Variants in GPR39 observed in about 807,000 individuals in gnomAD.
The protein encoded by GPR39 is G protein-coupled receptor 39.
Under a neutral mutation model 18.4 loss-of-function variants are expected in GPR39, and 23 were observed. The ratio of observed to expected loss-of-function variants is 1.25; its 90% CI spans 0.90 to 1.77. GPR39 has a LOEUF of 1.77. Ranked by LOEUF, GPR39 falls within the 40% of genes most tolerant of loss-of-function variation. GPR39 has a pLI of 0.00. For missense variants in GPR39, 647 were observed against 602.4 expected, an observed-to-expected ratio of 1.07 and a Z score of -0.78; for synonymous variants, 280 against 257.9, an observed-to-expected ratio of 1.09 and a Z score of -0.82.
chr2:132,561,039 G>A (rs75918277), intron 1 of GPR39, among the ~76,000 whole-genome samples: 5,880 of 151,206 alleles, frequency 0.039, 393 homozygotes, highest in African/African-American at 0.13. Context: ...TCTGCTTCCC[G>A]AGTAGCTGGG....
intron 1 of GPR39, among the ~76,000 whole-genome samples, chr2:132,522,924 C>A (rs948036407): frequency 5.3e-5 from 8 of 152,238 alleles, no homozygotes; most frequent in Non-Finnish European, 1.0e-4. Flanking sequence ...CTGGAAGCTG[C>A]CACAACAGTG....
At position 132,584,759 on chromosome 2, in the gene GPR39, G is replaced by A. The variant is rs1227675059; in HGVS notation, c.857-60342G>A. On this transcript the variant is annotated intron_variant, in intron 1 of 1. Coordinates refer to ENST00000329321, the MANE Select transcript of GPR39 (RefSeq NM_001508.3). ...TCGGATGCAAATGAGGCTTTCAGAG[G>A]CAATTTGGTAGAAAATGGGATGTCT... 3.3e-5 allele frequency among the ~76,000 whole-genome samples: 5 copies of A among 152,236 alleles called. No homozygotes were observed. The East Asian group carries it at 9.6e-4, about 29-fold the overall frequency.
chr2:132,451,651 C>T (rs1680634828), intron 1 of GPR39, among the ~76,000 whole-genome samples: 1 of 152,134 alleles, frequency 6.6e-6, no homozygotes, highest in African/African-American at 2.4e-5. Context: ...ATCCTCTACT[C>T]TATTTCACTT....
chr2:132,459,634 C>A (rs1680796174), intron 1 of GPR39, among the ~76,000 whole-genome samples: 1 of 152,190 alleles, frequency 6.6e-6, no homozygotes, highest in African/African-American at 2.4e-5. Flanking sequence ...CATGTCACTC[C>A]ATGTTGTAGG....
chr2:132,521,711 T>A (rs1679430015), intron 1 of GPR39, among the ~76,000 whole-genome samples: 1 of 152,158 alleles, frequency 6.6e-6, no homozygotes, highest in Non-Finnish European at 1.5e-5. Flanking sequence ...TTCCCCCCCT[T>A]ATTAAACAAA....
At chr2:132,550,717 T>G (rs184679395) in intron 1 of GPR39, among the ~76,000 whole-genome samples, 1 of 152,210 alleles carries the variant, frequency 6.6e-6, no homozygotes, top group African/African-American at 2.4e-5. Flanking sequence ...AGTGATAAAA[T>G]GAGGTCCAGC....
rs370125543 is a variant in GPR39 at position 132,474,967 on chromosome 2, A to G, written c.856+57069A>G. Reference sequence around the variant, plus strand: ...TGTGATGGGGTCTCAGGTTTTACAGAGTAAATCCACTCTAACAGTTCCATC... The same window carrying G: ...TGTGATGGGGTCTCAGGTTTTACAGGGTAAATCCACTCTAACAGTTCCATC... On this transcript the variant is annotated intron_variant, in intron 1 of 1. Transcript: ENST00000329321. Among the ~76,000 whole-genome samples the G allele has an allele frequency of 2.0e-5, 3 of 152,258 alleles. No homozygotes were observed. In the East Asian group the frequency reaches 5.8e-4, roughly 29 times the overall value.
chr2:132,498,428 G>A (rs1422019808), intron 1 of GPR39, among the ~76,000 whole-genome samples: 2 of 152,136 alleles, frequency 1.3e-5, no homozygotes, highest in South Asian at 2.1e-4. Flanking sequence ...TTTTATGGAC[G>A]AGTAGTATTC....
chr2:132,570,910 A>T (rs983073393), intron 1 of GPR39, among the ~76,000 whole-genome samples: 12 of 152,170 alleles, frequency 7.9e-5, no homozygotes, highest in Non-Finnish European at 1.6e-4. Flanking sequence ...AATAGCCTTG[A>T]AAGGGTGGGG....
At chr2:132,492,595 TACC>T (rs1681502751) in intron 1 of GPR39, among the ~76,000 whole-genome samples, 2 of 130,212 alleles carry the variant, frequency 1.5e-5, no homozygotes, top group Admixed American at 1.6e-4. Flanking sequence ...ACCATATATA[TACC>T]ATATATACAC....
rs772411639 is a variant in GPR39 at position 132,645,214 on chromosome 2, ATCC to A, written c.977_979del (p.Leu326del). On this transcript the variant is annotated inframe_deletion, in exon 2 of 2. Transcript: ENST00000329321. ...GAGGTCCTACTTCCGGGCGTACATG[ATCC>A]TCCTCCCCTTCTCGGAGACGTTTTT... 3 of 1,613,860 alleles carry A rather than the reference ATCC, an allele frequency of 1.9e-6. No individual in the cohort carries two copies. Among genetic ancestry groups the A allele is most frequent in the East Asian group, 2.2e-5 (1 of 44,856 alleles).
In GPR39 at chr2:132,489,353, C is replaced by T. The variant is rs909499958; in HGVS notation, c.856+71455C>T. Among the ~76,000 whole-genome samples the T allele has an allele frequency of 5.7e-4, 87 of 152,188 alleles. 1 individual carries two copies. The highest frequency in any genetic ancestry group is 2.0e-3 in the African/African-American group (83 of 41,446). ...GCAGCACCGAGGGCAGGGACGAGGG[C>T]GGTGGGGGCCGCTGGCGGCTCCTGG... is the stretch of plus-strand genomic sequence containing the variant. On this transcript the variant is annotated intron_variant, in intron 1 of 1. Coordinates refer to ENST00000329321, the MANE Select transcript of GPR39 (RefSeq NM_001508.3).
chr2:132,531,026 G>A (rs1573649817), intron 1 of GPR39, among the ~76,000 whole-genome samples: 2 of 152,272 alleles, frequency 1.3e-5, no homozygotes, highest in Admixed American at 6.5e-5. Context: ...ATGTAAATGG[G>A]TTAAATGCTC....
chr2:132,521,689 G>C (rs1679429240), intron 1 of GPR39, among the ~76,000 whole-genome samples: 2 of 83,738 alleles, frequency 2.4e-5, no homozygotes. Context: ...CCGGGATCTT[G>C]TTCTTTTTCT....
intron 1 of GPR39, among the ~76,000 whole-genome samples, chr2:132,619,971 C>G (rs1035062688): frequency 6.6e-6 from 1 of 152,144 alleles, no homozygotes; most frequent in Non-Finnish European, 1.5e-5. Flanking sequence ...AGCCCCTTCA[C>G]CTGCGCAAAT....
chr2:132,638,304 T>C (rs60957116), intron 1 of GPR39, among the ~76,000 whole-genome samples: 5,429 of 152,256 alleles, frequency 0.036, 294 homozygotes, highest in African/African-American at 0.12. Context: ...AAGGCTTCAG[T>C]GACAGTGCTA....
At chr2:132,541,213 A>G (rs1159544062) in intron 1 of GPR39, among the ~76,000 whole-genome samples, 3 of 152,070 alleles carry the variant, frequency 2.0e-5, no homozygotes, top group Non-Finnish European at 4.4e-5. Flanking sequence ...CCTCCCCAGT[A>G]GCCGAAATTA....
intron 1 of GPR39, among the ~76,000 whole-genome samples, chr2:132,584,465 TA>T (rs926092026): frequency 2.6e-5 from 4 of 152,020 alleles, no homozygotes; most frequent in Admixed American, 6.6e-5. Context: ...GTCACTCCCA[TA>T]ACTCCCTTAC....
chr2:132,489,436 TG>T (rs2104794316), intron 1 of GPR39, among the ~76,000 whole-genome samples: 1 of 152,176 alleles, frequency 6.6e-6, no homozygotes, highest in South Asian at 2.1e-4. Context: ...CGGCAGGCCG[TG>T]GGGCTGCTCA....
Sources: allele counts gnomAD v4.1 joint callset (sites outside exome capture counted in the v4.1 genomes callset), GRCh38; gene constraint gnomAD v4.1.1; transcripts MANE v1.5; gene names NCBI Gene and HGNC (gene_info 2026-07-23, HGNC 2026-07-21).